Variants in DNAI4 observed in about 807,000 individuals in gnomAD.
DNAI4 encodes WD repeat domain 78.
Under a neutral mutation model 105.8 loss-of-function variants are expected in DNAI4, and 85 were observed. The ratio of observed to expected loss-of-function variants is 0.80; its 90% CI spans 0.67 to 0.96. The LOEUF (loss-of-function observed/expected upper bound fraction) is 0.96, where lower values mean the gene tolerates loss of function less well. DNAI4 is among the 40% of genes least tolerant of loss of function. The pLI, the probability that DNAI4 is intolerant of heterozygous loss-of-function variation, is 0.00. For synonymous variants in DNAI4, 352 were observed against 331.5 expected, an observed-to-expected ratio of 1.06 and a Z score of -0.67; for missense variants, 1,014 against 1,005.6, an observed-to-expected ratio of 1.01 and a Z score of -0.11.
intron 5 of DNAI4, among the ~76,000 whole-genome samples, chr1:66,874,421 T>G (rs1646918233): frequency 6.6e-6 from 1 of 152,154 alleles, no homozygotes; most frequent in Non-Finnish European, 1.5e-5. Context: ...TGTCATTTCT[T>G]TCTTTTTAAA....
At chr1:66,894,499 C>T (rs188007008) in intron 2 of DNAI4, among the ~76,000 whole-genome samples, 120 of 151,942 alleles carry the variant, frequency 7.9e-4, no homozygotes, top group African/African-American at 2.1e-3. Flanking sequence ...TTATTTTTAA[C>T]GTAGTCAATT....
At chr1:66,868,586 A>G (rs1333970679) in intron 6 of DNAI4, among the ~76,000 whole-genome samples, 4 of 152,176 alleles carry the variant, frequency 2.6e-5, no homozygotes, top group African/African-American at 9.7e-5. Context: ...CCCTGCCCTC[A>G]GTGCTCCTGG....
intron 7 of DNAI4, among the ~76,000 whole-genome samples, chr1:66,854,612 G>A: frequency 6.6e-6 from 1 of 152,066 alleles, no homozygotes; most frequent in Non-Finnish European, 1.5e-5. Context: ...GACCAGCCTG[G>A]CCAGCATGGT....
chr1:66,891,113 T>C, intron 4 of DNAI4, 41 bp downstream of exon 4: 1 of 1,395,684 alleles, frequency 7.2e-7, no homozygotes, highest in Non-Finnish European at 1.0e-6. Context: ...ATTGACTAAA[T>C]AACGGACTGT....
chr1:66,846,337 T>C (rs1166048433), intron 8 of DNAI4, among the ~76,000 whole-genome samples: 1 of 152,148 alleles, frequency 6.6e-6, no homozygotes, highest in African/African-American at 2.4e-5. Flanking sequence ...TTCTGTAAAC[T>C]TTTTCTTTTT....
chr1:66,911,701 G>A (rs1212815158), intron 1 of DNAI4, among the ~76,000 whole-genome samples: 1 of 152,152 alleles, frequency 6.6e-6, no homozygotes, highest in Non-Finnish European at 1.5e-5. Context: ...TTGAAACAAT[G>A]AATAATCTCC....
In DNAI4 at chr1:66,893,810, G is replaced by C. The variant is rs576554866; in HGVS notation, c.346-397C>G. On this transcript the variant is annotated intron_variant, in intron 2 of 16. Transcript: ENST00000371026. ...AGTTATTATATGCTTTTGGTTTACA[G>C]TTCTGCACCACAAAATGATTCAGTC... is the stretch of plus-strand genomic sequence containing the variant. 2.0e-3 allele frequency among the ~76,000 whole-genome samples: 298 copies of C among 152,206 alleles called. 1 individual carries two copies. The highest frequency in any genetic ancestry group is 6.4e-3 in the African/African-American group (267 of 41,530).
In DNAI4 at chr1:66,890,842, GGAAGAGGAAGAA is replaced by G. The variant is rs1647560018; in HGVS notation, c.643+300_643+311del. 1.6e-5 allele frequency: 6 copies of G among 369,798 alleles called. No individual in the cohort carries two copies. The highest frequency in any genetic ancestry group is 7.5e-5 in the South Asian group (3 of 39,910). The allele number at this position is 369,798 out of a possible 1,614,324, so 22.9% of individuals were successfully genotyped here. On this transcript the variant is annotated intron_variant, in intron 4 of 16. Transcript: ENST00000371026. The surrounding 1 kb of genome is among the most constrained non-coding windows in gnomAD (Gnocchi z 4.1). ...GAGGAAAAGAGGAAGAGGAAGAAAA[GGAAGAGGAAGAA>G]GAAGAGGAAGAGGAAGAAGAAGAAG...
chr1:66,843,145 A>C (rs552872114), intron 8 of DNAI4, among the ~76,000 whole-genome samples: 10 of 128,554 alleles, frequency 7.8e-5, no homozygotes, highest in Non-Finnish European at 1.6e-4. Context: ...GGCTACAATG[A>C]GCCGTGATTG....
At chr1:66,898,615 C>G (rs1648539598) in intron 2 of DNAI4, among the ~76,000 whole-genome samples, 1 of 152,174 alleles carries the variant, frequency 6.6e-6, no homozygotes. Flanking sequence ...CTCCAGGACC[C>G]TGCAGAGAGT....
intron 1 of DNAI4, among the ~76,000 whole-genome samples, chr1:66,917,460 GA>G (rs1240775521): frequency 6.6e-6 from 1 of 152,182 alleles, no homozygotes; most frequent in African/African-American, 2.4e-5. Flanking sequence ...CATTAGAATA[GA>G]GGGGGAAAAA....
At chr1:66,823,868 A>G (rs1401001512) in intron 15 of DNAI4, among the ~76,000 whole-genome samples, 2 of 150,244 alleles carry the variant, frequency 1.3e-5, no homozygotes. Flanking sequence ...TTGTCTGTTC[A>G]CTCTGATGGT....
At chr1:66,825,343 C>T (rs139966011) in intron 15 of DNAI4, among the ~76,000 whole-genome samples, 2 of 151,132 alleles carry the variant, frequency 1.3e-5, no homozygotes, top group African/African-American at 4.9e-5. Flanking sequence ...CCGCGCCCGG[C>T]TAATTTTTTT....
chr1:66,875,169 C>A (rs1019637442), intron 4 of DNAI4, among the ~76,000 whole-genome samples: 1 of 152,042 alleles, frequency 6.6e-6, no homozygotes, highest in Non-Finnish European at 1.5e-5. Context: ...CAGTCTAATA[C>A]CAATAGTCAT....
chr1:66,837,917 G>A, intron 9 of DNAI4, 121 bp from the exon 10 acceptor site: 1 of 965,318 alleles, frequency 1.0e-6, no homozygotes, highest in Non-Finnish European at 1.5e-6. Flanking sequence ...TCATCTGAGA[G>A]GAAAAAATGC....
rs143299335 is a variant in DNAI4, at chr1:66,837,777, T to C, written c.1514A>G (p.Tyr505Cys). The stretch of plus-strand genomic sequence containing the variant: ...TTGCTCTTTAAATCCAAAGTGCCCA[T>C]AGCCAACAGCCAAAAGATCCTGAAA... ...KTNPDLLAVGYGHFGFKEQKR... is the reference protein window; with the variant it reads ...KTNPDLLAVGCGHFGFKEQKR... Residue 505 changes from tyrosine (Y) to cysteine (C), a missense_variant, in exon 10 of 17, where the codon TAT (tyrosine) becomes TGT (cysteine). Physicochemically the swap from Tyr to Cys is radical, Grantham distance 194. Coordinates refer to ENST00000371026, the MANE Select transcript of DNAI4 (RefSeq NM_024763.5). 9.3e-6 allele frequency: 15 copies of C among 1,605,514 alleles called. No individual in the cohort carries two copies. Among genetic ancestry groups the C allele is most frequent in the Admixed American group, 1.7e-5 (1 of 58,400 alleles).
intron 2 of DNAI4, among the ~76,000 whole-genome samples, chr1:66,902,534 T>C (rs910289644): frequency 6.6e-6 from 1 of 152,186 alleles, no homozygotes; most frequent in African/African-American, 2.4e-5. Flanking sequence ...TAATGTCTTT[T>C]GATAGACAGA....
At chr1:66,853,012 T>C (rs1389590096) in intron 7 of DNAI4, among the ~76,000 whole-genome samples, 2 of 152,224 alleles carry the variant, frequency 1.3e-5, no homozygotes, top group Admixed American at 6.5e-5. Context: ...AAAGCCAAGA[T>C]AGCTACTCTC....
At chr1:66,881,844 G>C (rs1350859515) in intron 4 of DNAI4, among the ~76,000 whole-genome samples, 2 of 152,222 alleles carry the variant, frequency 1.3e-5, no homozygotes, top group Non-Finnish European at 2.9e-5. Flanking sequence ...ATCTCATCTT[G>C]AATTGTAACT....
Sources: gnomAD v4.1 joint callset for allele counts (sites outside exome capture counted in the v4.1 genomes callset) on GRCh38, gnomAD v4.1.1 for gene constraint, Gnocchi (gnomAD v3.1) non-coding constraint, MANE v1.5 for transcripts, NCBI Gene and HGNC (gene_info 2026-07-23, HGNC 2026-07-21) for gene names.